Variants in PATJ observed in about 807,000 individuals in gnomAD.
PATJ encodes inaD-like protein.
Under a neutral mutation model 224.9 loss-of-function variants are expected in PATJ, and 190 were observed. That is an observed-to-expected ratio of 0.84 (90% CI 0.75 to 0.95). PATJ has a LOEUF of 0.95. Ranked by LOEUF, PATJ falls within the 40% of genes least tolerant of loss-of-function variation. The pLI, the probability that PATJ is intolerant of heterozygous loss-of-function variation, is 0.00. For missense variants in PATJ, 2,121 were observed against 2,270.3 expected (o/e 0.93, Z 1.34); for synonymous variants, 769 against 820.3 (o/e 0.94, Z 1.07).
intron 41 of PATJ, among the ~76,000 whole-genome samples, chr1:62,131,579 C>T (rs1250964516): frequency 6.6e-6 from 1 of 151,714 alleles, no homozygotes; most frequent in East Asian, 1.9e-4. Context: ...ACTCAGGAGG[C>T]GGAGGTTGCA....
chr1:61,801,531 G>A, intron 11 of PATJ, 92 bp from the exon 12 acceptor site: 1 of 673,028 alleles, frequency 1.5e-6, no homozygotes, highest in Non-Finnish European at 2.3e-6. Flanking sequence ...GAGAACAGCA[G>A]TAAAATCTGC....
chr1:61,846,886 A>T (rs1300259875), intron 17 of PATJ, among the ~76,000 whole-genome samples: 1 of 152,230 alleles, frequency 6.6e-6, no homozygotes, highest in African/African-American at 2.4e-5. Context: ...GGCATGAGCC[A>T]CTGCACCCAG....
intron 25 of PATJ, among the ~76,000 whole-genome samples, chr1:61,911,281 T>C (rs1571246481): frequency 6.6e-6 from 1 of 152,212 alleles, no homozygotes; most frequent in Admixed American, 6.5e-5. Context: ...TGGTGTGATC[T>C]CAGCTCACTG....
At chr1:62,097,533 G>A (rs915256358) in intron 33 of PATJ, among the ~76,000 whole-genome samples, 9 of 152,122 alleles carry the variant, frequency 5.9e-5, no homozygotes, top group South Asian at 2.1e-4. Flanking sequence ...GAGAGACCAC[G>A]TGGAGGGAGA....
chr1:61,796,706 C>CTTTCTTTCTT (rs1557661062), intron 10 of PATJ, among the ~76,000 whole-genome samples: 45 of 55,532 alleles, frequency 8.1e-4, no homozygotes, highest in African/African-American at 2.5e-3. Flanking sequence ...TTCTTTCTTT[C>CTTTCTTTCTT]TTTCTTTCTT....
chr1:61,828,463 C>A (rs1169764063), intron 16 of PATJ, among the ~76,000 whole-genome samples: 2 of 150,386 alleles, frequency 1.3e-5, no homozygotes, highest in Non-Finnish European at 2.9e-5. Flanking sequence ...GAACATGGCT[C>A]ACTGTAGCCT....
At chr1:61,799,968 C>G (rs539908703) in intron 11 of PATJ, among the ~76,000 whole-genome samples, 3 of 152,140 alleles carry the variant, frequency 2.0e-5, no homozygotes, top group African/African-American at 7.2e-5. Context: ...TATATACATA[C>G]CACATTTTCT....
chr1:62,000,193 G>GTT (rs776217887), intron 28 of PATJ, among the ~76,000 whole-genome samples: 2,006 of 147,908 alleles, frequency 0.014, 73 homozygotes, highest in African/African-American at 0.047. Context: ...CCAGCCTAGA[G>GTT]TTTTTTGTTT....
chr1:61,796,147 T>C (rs1371045200), intron 10 of PATJ, among the ~76,000 whole-genome samples: 1 of 152,202 alleles, frequency 6.6e-6, no homozygotes, highest in Non-Finnish European at 1.5e-5. Context: ...ATGCTTTGAA[T>C]CCTTGTCCTT....
chr1:61,808,699 A>G (rs1654080598), intron 14 of PATJ, among the ~76,000 whole-genome samples, 169 bp downstream of exon 14: 3 of 152,110 alleles, frequency 2.0e-5, no homozygotes, highest in Admixed American at 2.0e-4. Flanking sequence ...CCATTTTTTT[A>G]TCGTTTGAAG....
At chr1:61,859,170 G>C (rs1160143454) in intron 18 of PATJ, among the ~76,000 whole-genome samples, 1 of 152,168 alleles carries the variant, frequency 6.6e-6, no homozygotes, top group Non-Finnish European at 1.5e-5. Context: ...TTACCTTCAA[G>C]CAGTTTTAGG....
intron 17 of PATJ, among the ~76,000 whole-genome samples, chr1:61,838,218 G>A (rs1308052318): frequency 1.3e-5 from 2 of 152,154 alleles, no homozygotes; most frequent in African/African-American, 2.4e-5. Context: ...GTAGTGGCTA[G>A]TTAAAATCCC....
At chr1:61,789,458 G>A (rs559714815) in intron 8 of PATJ, among the ~76,000 whole-genome samples, 4 of 152,164 alleles carry the variant, frequency 2.6e-5, no homozygotes, top group African/African-American at 7.2e-5. Flanking sequence ...GGAAGTTGTT[G>A]CCTTTCTCTA....
intron 6 of PATJ, among the ~76,000 whole-genome samples, 158 bp from the exon 7 acceptor site, chr1:61,775,048 C>T (rs1646837459): frequency 6.6e-6 from 1 of 152,192 alleles, no homozygotes; most frequent in Non-Finnish European, 1.5e-5. Context: ...ATATGATTAT[C>T]TCTGTCTGTA....
intron 39 of PATJ, among the ~76,000 whole-genome samples, chr1:62,126,607 T>C (rs1167488618): frequency 6.6e-6 from 1 of 152,240 alleles, no homozygotes; most frequent in African/African-American, 2.4e-5. Context: ...AGAGTCCGTC[T>C]TGGGGAACAT....
rs749127477 is a variant in PATJ at position 61,808,455 on chromosome 1, A to T, written c.1627-19A>T. On this transcript the variant is annotated intron_variant, in intron 13 of 43. Transcript: ENST00000642238. ...AGTTATGCTTTTACAAATACTGGAA[A>T]TTTTTTTTGTAAATTTAGGTTGCTA... 1.9e-5 allele frequency: 29 copies of T among 1,542,306 alleles called. No individual in the cohort carries two copies. The highest frequency in any genetic ancestry group is 1.6e-4 in the South Asian group (14 of 88,750).
intron 38 of PATJ, among the ~76,000 whole-genome samples, chr1:62,121,784 A>AAAAAG (rs113468496): frequency 0.014 from 2,094 of 150,056 alleles, 27 homozygotes; most frequent in Non-Finnish European, 0.023. Context: ...CAGAAAAAAA[A>AAAAAG]AAAGAAATTC....
chr1:61,894,271 AC>A (rs145676862), intron 22 of PATJ, among the ~76,000 whole-genome samples: 7 of 101,188 alleles, frequency 6.9e-5, no homozygotes, highest in East Asian at 6.9e-4. Context: ...AAAAAAAAAC[AC>A]AAAAAAAAAA....
chr1:62,048,366 C>T (rs552410627), intron 30 of PATJ, among the ~76,000 whole-genome samples: 10 of 151,664 alleles, frequency 6.6e-5, no homozygotes, highest in East Asian at 3.9e-4. Context: ...GCCAACATGG[C>T]GAAACCCCGT....
Sources: gnomAD v4.1 joint callset for allele counts (sites outside exome capture counted in the v4.1 genomes callset) on GRCh38, gnomAD v4.1.1 for gene constraint, MANE v1.5 for transcripts, NCBI Gene and HGNC (gene_info 2026-07-23, HGNC 2026-07-21) for gene names.